The following HSD17B12 variants were observed in gnomAD, a reference collection of about 807,000 sequenced individuals.
HSD17B12 encodes the protein hydroxysteroid 17-beta dehydrogenase 12, also known as very-long-chain 3-oxoacyl-CoA reductase.
HSD17B12 carries 32 observed loss-of-function variants against 39.3 expected under a neutral mutation model. The ratio of observed to expected loss-of-function variants is 0.81; its 90% CI spans 0.61 to 1.09. The LOEUF (loss-of-function observed/expected upper bound fraction) is 1.09, where lower values mean the gene tolerates loss of function less well. Ranked by LOEUF, HSD17B12 falls within the 50% of genes least tolerant of loss-of-function variation. The pLI, the probability that HSD17B12 is intolerant of heterozygous loss-of-function variation, is 0.00. For synonymous variants in HSD17B12, 150 were observed against 146.7 expected (o/e 1.02, Z -0.16); for missense variants, 342 against 382.9 (o/e 0.89, Z 0.89).
intron 1 of HSD17B12, among the ~76,000 whole-genome samples, chr11:43,733,580 G>A (rs1392124325): frequency 1.3e-5 from 2 of 152,148 alleles, no homozygotes; most frequent in Admixed American, 6.5e-5. Context: ...ACATTGAATA[G>A]TTTTACTTCC....
intron 1 of HSD17B12, among the ~76,000 whole-genome samples, chr11:43,706,694 G>GTA (rs1311695832): frequency 6.7e-6 from 1 of 149,474 alleles, no homozygotes; most frequent in Non-Finnish European, 1.5e-5. Flanking sequence ...GAAGGGGTGT[G>GTA]TGTGTGTGTG....
intron 4 of HSD17B12, 44 bp downstream of exon 4, chr11:43,798,471 A>G (rs1950934815): frequency 4.0e-6 from 5 of 1,237,152 alleles, no homozygotes; most frequent in Non-Finnish European, 5.8e-6. Context: ...TGTATTTATT[A>G]TTTGACTTTA....
At chr11:43,713,813 G>A (rs974814465) in intron 1 of HSD17B12, among the ~76,000 whole-genome samples, 7 of 152,092 alleles carry the variant, frequency 4.6e-5, no homozygotes, top group African/African-American at 1.7e-4. Flanking sequence ...TTTAATGATT[G>A]CCATTCTAAC....
At chr11:43,830,821 T>C (rs1205454926) in intron 6 of HSD17B12, 155 bp from the exon 7 acceptor site, 2 of 516,788 alleles carry the variant, frequency 3.9e-6, no homozygotes, top group Non-Finnish European at 7.0e-6. Context: ...CTTGACACAG[T>C]CACATTCTAC....
Position 43,776,281 on chromosome 11 carries a change from T to C in HSD17B12, c.284-22039T>C, listed in dbSNP as rs532821010. Among the ~76,000 whole-genome samples the C allele has an allele frequency of 1.7e-3, 260 of 152,328 alleles. 1 individual carries two copies. The highest frequency in any genetic ancestry group is 4.1e-3 in the Admixed American group (63 of 15,302). On this transcript the variant is annotated intron_variant, in intron 3 of 10. Coordinates refer to ENST00000278353, the MANE Select transcript of HSD17B12 (RefSeq NM_016142.3). ...TCCAGCACCTGTTGTTTCCTGACTT[T>C]TTAATGATTGCCATTCTAACTGGTG...
At chr11:43,711,199 T>C (rs1446545770) in intron 1 of HSD17B12, among the ~76,000 whole-genome samples, 2 of 152,240 alleles carry the variant, frequency 1.3e-5, no homozygotes, top group Non-Finnish European at 2.9e-5. Context: ...CTTTGAATCA[T>C]GCTTTTGAAA....
intron 6 of HSD17B12, among the ~76,000 whole-genome samples, chr11:43,822,105 C>T (rs1167944330): frequency 6.6e-6 from 1 of 152,158 alleles, no homozygotes; most frequent in Non-Finnish European, 1.5e-5. Flanking sequence ...GTCCAGGCCA[C>T]CATTCTGACA....
intron 9 of HSD17B12, among the ~76,000 whole-genome samples, chr11:43,851,672 G>A (rs1335253872): frequency 6.6e-6 from 1 of 152,178 alleles, no homozygotes; most frequent in Non-Finnish European, 1.5e-5. Flanking sequence ...TGTCCATAAT[G>A]AAGTGTCTTT....
chr11:43,695,719 G>A (rs1949905192), intron 1 of HSD17B12, among the ~76,000 whole-genome samples: 1 of 152,130 alleles, frequency 6.6e-6, no homozygotes, highest in African/African-American at 2.4e-5. Flanking sequence ...TGATGAGGAA[G>A]GAGGAAAATG....
At chr11:43,801,599 T>G (rs957094060) in intron 4 of HSD17B12, among the ~76,000 whole-genome samples, 5 of 3,152 alleles carry the variant, frequency 1.6e-3, no homozygotes, top group African/African-American at 2.8e-3. Context: ...GTTGGAGATA[T>G]ATATATATAT....
At chr11:43,572,281 T>C in the HSD17B12 span, among the ~76,000 whole-genome samples, 1 of 152,200 alleles carries the variant, frequency 6.6e-6, no homozygotes, top group Non-Finnish European at 1.5e-5. Context: ...TGAAATAGGA[T>C]GGAGGGGTCT....
upstream of HSD17B12, among the ~76,000 whole-genome samples, chr11:43,676,564 T>C (rs925097550): frequency 2.0e-5 from 3 of 152,128 alleles, no homozygotes; most frequent in Non-Finnish European, 2.9e-5. Flanking sequence ...TGTTGAATGG[T>C]AGAGTAGGGT....
the HSD17B12 span, among the ~76,000 whole-genome samples, chr11:43,603,905 A>C: frequency 6.6e-6 from 1 of 152,198 alleles, no homozygotes; most frequent in East Asian, 1.9e-4. Context: ...TTTGCTGCTT[A>C]AAATGTAGAT....
At chr11:43,567,742 T>A in the HSD17B12 span, among the ~76,000 whole-genome samples, 1 of 152,224 alleles carries the variant, frequency 6.6e-6, no homozygotes, top group Non-Finnish European at 1.5e-5. Context: ...CTGCCTCTTT[T>A]ACAATTTCAT....
chr11:43,617,626 T>C, the HSD17B12 span, among the ~76,000 whole-genome samples: 2 of 152,150 alleles, frequency 1.3e-5, no homozygotes, highest in Non-Finnish European at 2.9e-5. Context: ...GCTGTCGAAC[T>C]AAACTGCCTT....
intron 1 of HSD17B12, among the ~76,000 whole-genome samples, chr11:43,725,232 G>C (rs1465247116): frequency 6.6e-6 from 1 of 152,176 alleles, no homozygotes; most frequent in East Asian, 1.9e-4. Flanking sequence ...TGAGCAAACT[G>C]TTCAGCTTTT....
chr11:43,653,700 T>A, the HSD17B12 span, among the ~76,000 whole-genome samples: 1 of 152,192 alleles, frequency 6.6e-6, no homozygotes. Flanking sequence ...GGTTTCCAGC[T>A]TCATCCATGT....
chr11:43,580,974 C>T, the HSD17B12 span, among the ~76,000 whole-genome samples: 7 of 151,902 alleles, frequency 4.6e-5, no homozygotes, highest in East Asian at 1.4e-3. Context: ...GGCTGGGGGA[C>T]TCTGAGGGAT....
At chr11:43,691,758 C>T (rs1949865087) in intron 1 of HSD17B12, among the ~76,000 whole-genome samples, 1 of 152,226 alleles carries the variant, frequency 6.6e-6, no homozygotes, top group Admixed American at 6.5e-5. Context: ...CCTTTGCACC[C>T]TTCCTTGGAT....
Sources: allele counts gnomAD v4.1 joint callset (sites outside exome capture counted in the v4.1 genomes callset), GRCh38; gene constraint gnomAD v4.1.1; transcripts MANE v1.5; gene names NCBI Gene and HGNC (gene_info 2026-07-23, HGNC 2026-07-21).